Variants in TPTE2 observed in about 807,000 individuals in gnomAD.
TPTE2 encodes transmembrane phosphoinositide 3-phosphatase and tensin homolog 2.
A neutral mutation model predicts 78.6 loss-of-function variants in TPTE2; 53 were observed. That is an observed-to-expected ratio of 0.67 (90% CI 0.54 to 0.85). The LOEUF (loss-of-function observed/expected upper bound fraction) is 0.85. Ranked by LOEUF, TPTE2 falls within the 40% of genes least tolerant of loss-of-function variation. The probability of loss-of-function intolerance (pLI) is 0.00; values close to 1 mark genes in which losing one functional copy is unlikely to be tolerated. For missense variants in TPTE2, 461 were observed against 623.0 expected, an observed-to-expected ratio of 0.74 and a Z score of 2.77; for synonymous variants, 175 against 206.2, an observed-to-expected ratio of 0.85 and a Z score of 1.30.
At chr13:19,556,563 G>T in the TPTE2 span, among the ~76,000 whole-genome samples, 1 of 152,140 alleles carries the variant, frequency 6.6e-6, no homozygotes. Context: ...ATCTCACTCT[G>T]TTGCTTAGGA....
intron 13 of TPTE2, among the ~76,000 whole-genome samples, chr13:19,441,519 A>G (rs751165793): frequency 3.9e-5 from 6 of 152,232 alleles, no homozygotes; most frequent in Non-Finnish European, 2.9e-5. Context: ...AGAAATCTAT[A>G]ATAATGCAAT....
chr13:19,449,044 A>C (rs577028271), intron 13 of TPTE2, among the ~76,000 whole-genome samples: 3 of 152,336 alleles, frequency 2.0e-5, no homozygotes, highest in Admixed American at 2.0e-4. Context: ...AGAAAGACAA[A>C]TACTGCATGT....
intron 14 of TPTE2, among the ~76,000 whole-genome samples, chr13:19,436,617 G>A (rs1566039014): frequency 6.6e-6 from 1 of 152,110 alleles, no homozygotes; most frequent in Non-Finnish European, 1.5e-5. Context: ...GTTTCACCAT[G>A]TTGGCCAGGC....
At chr13:19,518,614 T>G (rs1046501086) in intron 1 of TPTE2, among the ~76,000 whole-genome samples, 9 of 152,150 alleles carry the variant, frequency 5.9e-5, no homozygotes, top group African/African-American at 1.9e-4. Flanking sequence ...TTGACAAAGA[T>G]AGAGAGAAAC....
At chr13:19,427,640 ATGCTCCT>A (rs1876235676) in intron 17 of TPTE2, among the ~76,000 whole-genome samples, 1 of 152,136 alleles carries the variant, frequency 6.6e-6, no homozygotes, top group Non-Finnish European at 1.5e-5. Context: ...TTGGGCCTGC[ATGCTCCT>A]CCCAAGGGAG....
At position 19,517,000 on chromosome 13, in the gene TPTE2, T is replaced by C. The variant is rs371256419; in HGVS notation, c.-43-13723A>G. 9.8e-5 allele frequency among the ~76,000 whole-genome samples: 15 copies of C among 152,332 alleles called. No homozygotes were observed. The East Asian group carries it at 1.9e-3, about 20-fold the overall frequency. ...GGAGTAGAAATATCAAAGCTCTCAG[T>C]CTACCACCTTGTGCTCCACAGATGT... On this transcript the variant is annotated intron_variant, in intron 1 of 17. Coordinates refer to the TPTE2 transcript ENST00000390680.
chr13:19,442,613 G>A (rs1877569482), intron 13 of TPTE2, among the ~76,000 whole-genome samples: 1 of 151,588 alleles, frequency 6.6e-6, no homozygotes, highest in African/African-American at 2.4e-5. Context: ...CCACCAATAA[G>A]GCCAAAAATT....
intron 1 of TPTE2, among the ~76,000 whole-genome samples, chr13:19,499,060 A>G (rs1464255887): frequency 6.6e-5 from 10 of 152,170 alleles, no homozygotes. Context: ...GAAGGCCATT[A>G]CATAATGGTA....
chr13:19,453,660 G>C (rs1878350055), intron 10 of TPTE2, among the ~76,000 whole-genome samples: 2 of 151,514 alleles, frequency 1.3e-5, no homozygotes, highest in South Asian at 4.2e-4. Context: ...AGGTGAAAAA[G>C]GACATAAAGA....
At chr13:19,557,159 G>T in the TPTE2 span, among the ~76,000 whole-genome samples, 702 of 152,276 alleles carry the variant, frequency 4.6e-3, 7 homozygotes, top group South Asian at 0.026. Flanking sequence ...CACTGTAAAT[G>T]GTAGTTATTA....
chr13:19,561,369 T>G, the TPTE2 span: 10 of 476,460 alleles, frequency 2.1e-5, no homozygotes, highest in Admixed American at 4.0e-5. Flanking sequence ...CACTCTAATA[T>G]TCCCGCTGTC....
At chr13:19,431,127 CAA>C (rs71092354) in intron 16 of TPTE2, among the ~76,000 whole-genome samples, 24 of 85,372 alleles carry the variant, frequency 2.8e-4, no homozygotes, top group Admixed American at 5.1e-4. Flanking sequence ...ACTCTGTCTC[CAA>C]AAAAAAAAAA....
intron 13 of TPTE2, among the ~76,000 whole-genome samples, chr13:19,441,758 C>T (rs1201472602): frequency 2.0e-5 from 3 of 152,136 alleles, no homozygotes; most frequent in Non-Finnish European, 4.4e-5. Flanking sequence ...AACAAAAATG[C>T]CCTCTCTTCA....
In TPTE2 at chr13:19,533,288, G is replaced by T. The variant is rs115853569; in HGVS notation, c.-44+3308C>A. On this transcript the variant is annotated intron_variant, in intron 1 of 17. Transcript: ENST00000390680. ...TATTAGGTGTAGGACTAAATACAGA[G>T]AAATTAGAGAACCAATCATCCCATT... Among the ~76,000 whole-genome samples the T allele has an allele frequency of 6.7e-3, 1,021 of 152,238 alleles. 8 individuals are homozygous for T. The highest frequency in any genetic ancestry group is 0.022 in the African/African-American group (904 of 41,532).
chr13:19,465,809 C>A (rs562985868), intron 7 of TPTE2, among the ~76,000 whole-genome samples: 1 of 152,046 alleles, frequency 6.6e-6, no homozygotes, highest in Non-Finnish European at 1.5e-5. Flanking sequence ...TGCTAAACAC[C>A]CTACAATTAA....
At chr13:19,538,769 G>A (rs1326168338), upstream of TPTE2, among the ~76,000 whole-genome samples, 2 of 151,016 alleles carry the variant, frequency 1.3e-5, no homozygotes, top group East Asian at 2.0e-4. Context: ...CGCCCACCTC[G>A]ACCTCCCAAA....
intron 1 of TPTE2, among the ~76,000 whole-genome samples, chr13:19,521,689 T>G (rs1870161334): frequency 6.6e-6 from 1 of 152,212 alleles, no homozygotes; most frequent in East Asian, 1.9e-4. Flanking sequence ...GATATTGCAA[T>G]TAACATGTTG....
chr13:19,454,285 A>G (rs1398168679), intron 10 of TPTE2, among the ~76,000 whole-genome samples: 1 of 152,210 alleles, frequency 6.6e-6, no homozygotes, highest in Non-Finnish European at 1.5e-5. Context: ...GGGGAATCAC[A>G]TGACTGTTTA....
In TPTE2 at chr13:19,488,895, A is replaced by T. The variant is rs1234488036; in HGVS notation, c.119+3955T>A. ...CACAACTTGGCTGAACTGCTACAAGAAGTCTAGCCTTGCTCACAATCATTT... is the reference window on the plus strand; with the variant it reads ...CACAACTTGGCTGAACTGCTACAAGTAGTCTAGCCTTGCTCACAATCATTT... On this transcript the variant is annotated intron_variant, in intron 3 of 19. Coordinates refer to ENST00000400230, the Ensembl canonical transcript of TPTE2. Among the ~76,000 whole-genome samples, 4 of 152,200 alleles carry T rather than the reference A, an allele frequency of 2.6e-5. No individual in the cohort carries two copies. The East Asian group carries it at 7.7e-4, about 29-fold the overall frequency.
Sources: gnomAD v4.1 joint callset for allele counts (sites outside exome capture counted in the v4.1 genomes callset) on GRCh38, gnomAD v4.1.1 for gene constraint, MANE v1.5 for transcripts, NCBI Gene and HGNC (gene_info 2026-07-23, HGNC 2026-07-21) for gene names.